The following PRKAR2B variants were observed in gnomAD, a reference collection of about 807,000 sequenced individuals.
PRKAR2B encodes cAMP-dependent protein kinase type II-beta regulatory subunit.
Under a neutral mutation model 49.9 loss-of-function variants are expected in PRKAR2B, and 14 were observed. That is an observed-to-expected ratio of 0.28 (90% CI 0.19 to 0.44). PRKAR2B has a LOEUF of 0.44. PRKAR2B is among the 20% of genes least tolerant of loss of function. The pLI, the probability that PRKAR2B is intolerant of heterozygous loss-of-function variation, is 1.00. For synonymous variants in PRKAR2B, 196 were observed against 197.7 expected (o/e 0.99, Z 0.07); for missense variants, 393 against 537.9 (o/e 0.73, Z 2.67).
rs755783996 is a variant in PRKAR2B at position 107,157,233 on chromosome 7, C to T, written c.1032C>T (p.Cys344=). The change falls in exon 10 of 11, where the codon TGC becomes TGT. Residue 344 remains cysteine, a synonymous_variant. Coordinates refer to ENST00000265717, the MANE Select transcript of PRKAR2B (RefSeq NM_002736.3). ...ATGGTGCAGTAGAAATCGCTCGATGCTCGCGGGGACAGTACTTTGGAGAGC... is the reference window on the plus strand; with the variant it reads ...ATGGTGCAGTAGAAATCGCTCGATGTTCGCGGGGACAGTACTTTGGAGAGC... ...EENGAVEIAR[C]SRGQYFGELA... 3 of 1,614,150 alleles carry T rather than the reference C, an allele frequency of 1.9e-6. No individual in the cohort carries two copies. The South Asian group carries it at 3.3e-5, about 18-fold the overall frequency.
chr7:107,104,665 G>A (rs1004915979), intron 2 of PRKAR2B, among the ~76,000 whole-genome samples: 3 of 152,150 alleles, frequency 2.0e-5, no homozygotes, highest in Admixed American at 6.5e-5. Context: ...TCAAATAAAT[G>A]AGGATTATCC....
chr7:107,146,258 T>A (rs369543934), intron 5 of PRKAR2B, 50 bp from the exon 6 acceptor site: 2 of 1,555,662 alleles, frequency 1.3e-6, no homozygotes, highest in South Asian at 1.2e-5. Context: ...AATGTTTTAT[T>A]TTAATGATAT....
intron 6 of PRKAR2B, 26 bp from the exon 7 acceptor site, chr7:107,150,896 T>G (rs750792439): frequency 7.7e-7 from 1 of 1,293,478 alleles, no homozygotes. Context: ...CCCATAAAAT[T>G]TACCCTTTAA....
chr7:107,070,241 G>A (rs1022957525), intron 1 of PRKAR2B, 40 bp from the exon 2 acceptor site: 2 of 1,522,040 alleles, frequency 1.3e-6, no homozygotes, highest in Admixed American at 1.8e-5. Context: ...GGGAAAATTA[G>A]ACTTTTAATC....
At chr7:107,046,702 A>AC (rs1467936335) in intron 1 of PRKAR2B, among the ~76,000 whole-genome samples, 2 of 152,204 alleles carry the variant, frequency 1.3e-5, no homozygotes, top group Non-Finnish European at 2.9e-5. Context: ...GTAACGGATG[A>AC]CAGAAAGGGC....
intron 2 of PRKAR2B, among the ~76,000 whole-genome samples, chr7:107,083,214 CAAAAA>C (rs1394241896): frequency 8.7e-6 from 1 of 115,310 alleles, no homozygotes. Flanking sequence ...GAGACTGTCT[CAAAAA>C]AAAAAAAAAA....
At chr7:107,122,050 C>A in intron 3 of PRKAR2B, 46 bp downstream of exon 3, 3 of 1,254,262 alleles carry the variant, frequency 2.4e-6, no homozygotes, top group South Asian at 1.4e-5. Flanking sequence ...ATGCCCTTGT[C>A]ATATATAAGG....
chr7:107,137,590 A>G lies in PRKAR2B; in HGVS notation c.481-3257A>G, dbSNP rs150469409. 1.7e-3 allele frequency among the ~76,000 whole-genome samples: 258 copies of G among 152,330 alleles called. 2 individuals carry two copies. Among genetic ancestry groups the G allele is most frequent in the African/African-American group, 5.7e-3 (236 of 41,574 alleles). ...AAAAGGAACAGTGAGGTGGAAGATC[A>G]TGCATATCTAAAATTTTATTAAATT... is the stretch of plus-strand genomic sequence containing the variant. On this transcript the variant is annotated intron_variant, in intron 4 of 10. Coordinates refer to ENST00000265717, the MANE Select transcript of PRKAR2B (RefSeq NM_002736.3).
chr7:107,084,735 C>T lies in PRKAR2B; in HGVS notation c.343+14419C>T, dbSNP rs113475398. On this transcript the variant is annotated intron_variant, in intron 2 of 10. Transcript: ENST00000265717. ...TCCCGGGTTCACGCCATTCTCCTGCCTCAACCTCCCCAGTAGCTGGGACTA... is the reference window on the plus strand; with the variant it reads ...TCCCGGGTTCACGCCATTCTCCTGCTTCAACCTCCCCAGTAGCTGGGACTA... 3.6e-4 allele frequency among the ~76,000 whole-genome samples: 54 copies of T among 151,976 alleles called. 3 individuals carry two copies. The highest frequency in any genetic ancestry group is 1.1e-3 in the African/African-American group (44 of 41,448).
Position 107,140,792 on chromosome 7 carries a change from A to G in PRKAR2B, c.481-55A>G, listed in dbSNP as rs1207448610. The G allele has an allele frequency of 2.3e-6, 3 of 1,330,242 alleles. No homozygotes were observed. In the East Asian group the frequency reaches 7.1e-5, roughly 32 times the overall value. The allele number at this position is 1,330,242 out of a possible 1,614,324, so 82.4% of individuals were successfully genotyped here. ...ACAGAAATATAACTGTGGTTACTTA[A>G]GAAAACATGTTCTAGATAAACATAA... On this transcript the variant is annotated intron_variant, in intron 4 of 10. Transcript: ENST00000265717.
intron 2 of PRKAR2B, among the ~76,000 whole-genome samples, chr7:107,112,259 A>G (rs1795191020): frequency 6.6e-6 from 1 of 150,412 alleles, no homozygotes; most frequent in South Asian, 2.1e-4. Context: ...TCAAGAAACA[A>G]GTAAGTTTGC....
intron 2 of PRKAR2B, among the ~76,000 whole-genome samples, chr7:107,113,590 C>T (rs1315052728): frequency 3.3e-5 from 5 of 152,252 alleles, no homozygotes; most frequent in South Asian, 2.1e-4. Flanking sequence ...GATGATTAGT[C>T]GCAAACAACA....
At chr7:107,148,649 G>T (rs1416291101) in intron 6 of PRKAR2B, among the ~76,000 whole-genome samples, 1 of 152,076 alleles carries the variant, frequency 6.6e-6, no homozygotes, top group Non-Finnish European at 1.5e-5. Context: ...TCCTTCTCAG[G>T]GAGAGTCGAG....
chr7:107,107,145 T>G (rs1026162290), intron 2 of PRKAR2B, among the ~76,000 whole-genome samples: 1 of 152,196 alleles, frequency 6.6e-6, no homozygotes, highest in Admixed American at 6.5e-5. Context: ...GAGACCAGCC[T>G]GGCCAACATG....
intron 2 of PRKAR2B, chr7:107,091,623 A>G (rs1418096349): frequency 6.6e-6 from 1 of 152,218 alleles, no homozygotes; most frequent in Admixed American, 6.5e-5. Flanking sequence ...TAGGGCTTAA[A>G]GGTATCCATT....
At chr7:107,154,359 C>A (rs1373012468) in intron 8 of PRKAR2B, among the ~76,000 whole-genome samples, 4 of 152,178 alleles carry the variant, frequency 2.6e-5, no homozygotes, top group African/African-American at 9.7e-5. Context: ...GCATAATTCA[C>A]AGACCATATT....
chr7:107,112,279 A>T (rs1017347685), intron 2 of PRKAR2B, among the ~76,000 whole-genome samples: 1 of 151,564 alleles, frequency 6.6e-6, no homozygotes, highest in African/African-American at 2.4e-5. Flanking sequence ...CTAATTTAAT[A>T]GACTTAAAAT....
At chr7:107,120,047 T>C (rs571538153) in intron 2 of PRKAR2B, among the ~76,000 whole-genome samples, 4 of 152,174 alleles carry the variant, frequency 2.6e-5, no homozygotes, top group Non-Finnish European at 5.9e-5. Context: ...GTATGTATGA[T>C]CTTGGCTTTC....
At chr7:107,061,309 A>T (rs1164115399) in intron 1 of PRKAR2B, among the ~76,000 whole-genome samples, 1 of 152,156 alleles carries the variant, frequency 6.6e-6, no homozygotes, top group Non-Finnish European at 1.5e-5. Flanking sequence ...GCTTGAATTT[A>T]TAAACAAAGT....
Sources: allele counts gnomAD v4.1 joint callset (sites outside exome capture counted in the v4.1 genomes callset), GRCh38; gene constraint gnomAD v4.1.1; transcripts MANE v1.5; gene names NCBI Gene and HGNC (gene_info 2026-07-23, HGNC 2026-07-21).